The following BASP1 variants were observed in gnomAD, a reference collection of about 807,000 sequenced individuals.
BASP1 encodes brain abundant membrane attached signal protein 1.
BASP1 carries 1 observed loss-of-function variant against 2.2 expected under a neutral mutation model. The ratio of observed to expected loss-of-function variants is 0.46; its 90% CI spans 0.16 to 2.17. BASP1 has a LOEUF of 2.17. BASP1 is among the 30% of genes most tolerant of loss of function. The probability of loss-of-function intolerance (pLI) is 0.27; values close to 1 mark genes in which losing one functional copy is unlikely to be tolerated. For missense variants in BASP1, 352 were observed against 327.2 expected (o/e 1.08, Z -0.58); for synonymous variants, 187 against 154.2 (o/e 1.21, Z -1.58).
At chr5:17,222,180 G>T (rs1417724885) in intron 1 of BASP1, among the ~76,000 whole-genome samples, 4 of 152,024 alleles carry the variant, frequency 2.6e-5, no homozygotes, top group African/African-American at 9.7e-5. Context: ...ATCCTAAAGG[G>T]GACCAAATAT....
intron 1 of BASP1, among the ~76,000 whole-genome samples, chr5:17,267,559 C>T (rs527286311): frequency 2.0e-5 from 3 of 151,364 alleles, no homozygotes; most frequent in East Asian, 3.9e-4. Flanking sequence ...GTCACCAGGC[C>T]CCAGGCTGGA....
At chr5:17,244,649 A>G (rs1424561017) in intron 1 of BASP1, among the ~76,000 whole-genome samples, 1 of 151,356 alleles carries the variant, frequency 6.6e-6, no homozygotes, top group East Asian at 1.9e-4. Context: ...AAGGCATTGA[A>G]TATATATTTG....
At chr5:17,239,792 A>C (rs949850931) in intron 1 of BASP1, among the ~76,000 whole-genome samples, 4 of 152,202 alleles carry the variant, frequency 2.6e-5, no homozygotes, top group Admixed American at 6.5e-5. Flanking sequence ...GATTACCCCC[A>C]AAATCTGTGA....
chr5:17,270,944 A>G (rs1579504195), intron 1 of BASP1, among the ~76,000 whole-genome samples: 2 of 152,334 alleles, frequency 1.3e-5, no homozygotes, highest in South Asian at 2.1e-4. Context: ...ATACTCTGCC[A>G]TGACCCAATG....
chr5:17,261,027 A>T (rs1296647824), intron 1 of BASP1, among the ~76,000 whole-genome samples: 1 of 152,228 alleles, frequency 6.6e-6, no homozygotes, highest in Non-Finnish European at 1.5e-5. Flanking sequence ...AAAATTTTTT[A>T]AAAATCTATT....
intron 1 of BASP1, among the ~76,000 whole-genome samples, chr5:17,226,931 CTTTTTTTT>C (rs5866244): frequency 6.9e-6 from 1 of 144,790 alleles, no homozygotes; most frequent in South Asian, 2.2e-4. Context: ...ACTCATTTTT[CTTTTTTTT>C]TTTTTTCTTT....
chr5:17,275,975 CTCTCTCTATCTCCTCT>C lies in BASP1; in HGVS notation c.*76_*91del. 7.9e-7 allele frequency: 1 copy of C among 1,262,184 alleles called. No homozygotes were observed. The highest frequency in any genetic ancestry group is 1.1e-6 in the Non-Finnish European group (1 of 941,312). The allele number at this position is 1,262,184 out of a possible 1,614,324, so 78.2% of individuals were successfully genotyped here. ...TCTCTCTCTCTCTCTCTCTCTATCT[CTCTCTCTATCTCCTCT>C]CTCTCTCTCCTCTCCTATCTCTCCT... is the stretch of plus-strand genomic sequence containing the variant. On this transcript the variant is annotated 3_prime_UTR_variant, in exon 2 of 2. Transcript: ENST00000322611. This position sits in a 1 kb window ranked among gnomAD's most constrained non-coding sequence, Gnocchi z 5.3.
At position 17,276,035 on chromosome 5, in the gene BASP1, AACTT is replaced by A. The variant is rs1740654886; in HGVS notation, c.*136_*139del. On this transcript the variant is annotated 3_prime_UTR_variant, in exon 2 of 2. Coordinates refer to ENST00000322611, the MANE Select transcript of BASP1 (RefSeq NM_006317.5). ...CTCTCCTCTCTCTCTCTCCTATACT[AACTT>A]GTTTCAAATTGGAAGTAATGATATG... The A allele has an allele frequency of 1.4e-6, 1 of 725,998 alleles. No homozygotes were observed. Among genetic ancestry groups the A allele is most frequent in the African/African-American group, 1.9e-5 (1 of 53,352 alleles). 45.0% of individuals were successfully genotyped at this position (725,998 alleles called of 1,614,324 possible).
At chr5:17,256,536 T>C (rs1384797379) in intron 1 of BASP1, among the ~76,000 whole-genome samples, 2 of 152,202 alleles carry the variant, frequency 1.3e-5, no homozygotes, top group Non-Finnish European at 2.9e-5. Flanking sequence ...GTGCAAAAAC[T>C]AAAAATTATA....
intron 1 of BASP1, among the ~76,000 whole-genome samples, chr5:17,218,132 A>G (rs918705679): frequency 6.6e-6 from 1 of 151,722 alleles, no homozygotes; most frequent in Non-Finnish European, 1.5e-5. Context: ...GACGGGAGGA[A>G]TTGCCGAATG....
chr5:17,222,684 T>C (rs1033261713), intron 1 of BASP1, among the ~76,000 whole-genome samples: 1 of 152,240 alleles, frequency 6.6e-6, no homozygotes, highest in Non-Finnish European at 1.5e-5. Flanking sequence ...AGTGTGTTTT[T>C]CTTCTGCACC....
intron 1 of BASP1, among the ~76,000 whole-genome samples, chr5:17,227,699 C>T (rs62348040): frequency 0.27 from 41,190 of 152,064 alleles, 6,441 homozygotes; most frequent in Non-Finnish European, 0.36. Flanking sequence ...CCACCATGCC[C>T]GGCCAATAAC....
intron 1 of BASP1, chr5:17,240,578 G>A (rs577783471): frequency 2.9e-4 from 44 of 152,096 alleles, no homozygotes; most frequent in African/African-American, 1.0e-3. Context: ...AAAACAGAGT[G>A]AGGTTCTGAC....
At chr5:17,253,045 T>C (rs1333549070) in intron 1 of BASP1, among the ~76,000 whole-genome samples, 1 of 152,160 alleles carries the variant, frequency 6.6e-6, no homozygotes, top group Non-Finnish European at 1.5e-5. Flanking sequence ...ACCTCTCCTC[T>C]AGAAGAAAAG....
chr5:17,247,306 G>A (rs375489953), intron 1 of BASP1, among the ~76,000 whole-genome samples: 3 of 152,216 alleles, frequency 2.0e-5, no homozygotes, highest in African/African-American at 7.2e-5. Flanking sequence ...AACATGTAAA[G>A]TATAGGCCAC....
At position 17,276,090 on chromosome 5, in the gene BASP1, G is replaced by GTTTT; in HGVS notation, c.*192_*193insTTTT. ...TATTGCCCAAGGAAAAATACAGGAT[G>GTTTT]TTGTCCCATCAAGGGAGGGAGGGGG... On this transcript the variant is annotated 3_prime_UTR_variant, in exon 2 of 2. Coordinates refer to ENST00000322611, the MANE Select transcript of BASP1 (RefSeq NM_006317.5). 6 of 301,680 alleles carry GTTTT rather than the reference G, an allele frequency of 2.0e-5. No individual in the cohort carries two copies. The highest frequency in any genetic ancestry group is 1.2e-4 in the East Asian group (2 of 16,350). The allele number at this position is 301,680 out of a possible 1,614,324, so 18.7% of individuals were successfully genotyped here.
chr5:17,255,093 T>C (rs1476191614), intron 1 of BASP1, among the ~76,000 whole-genome samples: 1 of 152,244 alleles, frequency 6.6e-6, no homozygotes, highest in East Asian at 1.9e-4. Flanking sequence ...ATTTATTTAT[T>C]TATTTGGACC....
At chr5:17,257,403 G>A (rs1020643742) in intron 1 of BASP1, among the ~76,000 whole-genome samples, 3 of 152,088 alleles carry the variant, frequency 2.0e-5, no homozygotes, top group African/African-American at 4.8e-5. Flanking sequence ...TGGTCCCACC[G>A]ATCTTTTACT....
At chr5:17,217,851 CG>C in intron 1 of BASP1, 41 bp downstream of exon 1, 1 of 151,940 alleles carries the variant, frequency 6.6e-6, no homozygotes, top group Non-Finnish European at 1.5e-5. Flanking sequence ...GCCGCGGACC[CG>C]GGGGCCTCCG....
Sources: allele counts gnomAD v4.1 joint callset (sites outside exome capture counted in the v4.1 genomes callset), GRCh38; gene constraint gnomAD v4.1.1; non-coding constraint Gnocchi (gnomAD v3.1); transcripts MANE v1.5; gene names NCBI Gene and HGNC (gene_info 2026-07-23, HGNC 2026-07-21).